MYO10: variants seen among roughly 807,000 people sequenced by gnomAD.
MYO10 encodes myosin X, also known as unconventional myosin-X.
Under a neutral mutation model 257.3 loss-of-function variants are expected in MYO10, and 133 were observed. That is an observed-to-expected ratio of 0.52 (90% confidence interval 0.45 to 0.60). The LOEUF (loss-of-function observed/expected upper bound fraction) is 0.60. Among genes scored for constraint, MYO10 ranks in the 20% least tolerant of loss-of-function variants. The pLI, the probability that MYO10 is intolerant of heterozygous loss-of-function variation, is 0.00. For missense variants in MYO10, 2,399 were observed against 2,635.7 expected (o/e 0.91, Z 1.97); for synonymous variants, 1,104 against 1,028.6 (o/e 1.07, Z -1.40).
At chr5:16,805,049 T>C (rs1742231149) in intron 3 of MYO10, among the ~76,000 whole-genome samples, 1 of 152,212 alleles carries the variant, frequency 6.6e-6, no homozygotes, top group African/African-American at 2.4e-5. Flanking sequence ...ATAGGCTACA[T>C]GTGTAAGAGG....
chr5:16,719,691 C>A (rs376398567), intron 19 of MYO10, among the ~76,000 whole-genome samples: 1 of 152,120 alleles, frequency 6.6e-6, no homozygotes, highest in East Asian at 1.9e-4. Flanking sequence ...GGGCCAGGCA[C>A]GGTGGCTCAC....
intron 2 of MYO10, among the ~76,000 whole-genome samples, chr5:16,862,672 T>G (rs1744138624): frequency 6.6e-6 from 1 of 152,254 alleles, no homozygotes; most frequent in Non-Finnish European, 1.5e-5. Context: ...CACAAATTAC[T>G]GCCTGGTCGG....
chr5:16,834,601 G>C (rs1390961287), intron 2 of MYO10, among the ~76,000 whole-genome samples: 1 of 152,200 alleles, frequency 6.6e-6, no homozygotes, highest in African/African-American at 2.4e-5. Context: ...AAGATTACAT[G>C]ATGAGGACTT....
Position 16,673,882 on chromosome 5 carries a change from C to G in MYO10, c.4972G>C (p.Glu1658Gln), listed in dbSNP as rs1736594690. 6.2e-7 allele frequency: 1 copy of G among 1,613,756 alleles called. No homozygotes were observed. Among genetic ancestry groups the G allele is most frequent in the Non-Finnish European group, 8.5e-7 (1 of 1,179,792 alleles). ...TCCATCTCGCTTCCTGGAAACTGTT[C>G]CCGTATCCTAGGAGGCAAACACTAA... ...YLKFHLKRIREQFPGSEMEKY... is the reference protein window; with the variant it reads ...YLKFHLKRIRQQFPGSEMEKY... The change falls in exon 36 of 41, where the codon GAA (glutamate) becomes CAA (glutamine). Residue 1658 changes from glutamate (E) to glutamine (Q), a missense_variant. Physicochemically the swap from Glu to Gln is conservative, Grantham distance 29. This residue lies in a region of MYO10 where 1,820 missense variants were observed against 1,939.4 expected (regional missense o/e 0.94). Coordinates refer to ENST00000513610, the MANE Select transcript of MYO10 (RefSeq NM_012334.3).
At chr5:16,673,305 A>G (rs1295688988) in intron 36 of MYO10, among the ~76,000 whole-genome samples, 1 of 151,910 alleles carries the variant, frequency 6.6e-6, no homozygotes, top group East Asian at 1.9e-4. Context: ...TTTAAAAAGA[A>G]AATGTGTTCA....
intron 3 of MYO10, among the ~76,000 whole-genome samples, chr5:16,797,894 G>A (rs139602439): frequency 1.2e-4 from 19 of 152,206 alleles, no homozygotes; most frequent in African/African-American, 4.6e-4. Flanking sequence ...CTAAACTTGT[G>A]TTGAAATTTA....
In MYO10 at chr5:16,666,761, G is replaced by A. The variant is rs1251337459; in HGVS notation, c.6108C>T (p.Tyr2036=). 3.1e-6 allele frequency: 5 copies of A among 1,607,444 alleles called. No individual in the cohort carries two copies. Among genetic ancestry groups the A allele is most frequent in the Non-Finnish European group, 4.2e-6 (5 of 1,178,212 alleles). ...VVDVAKLMKA[Y]ISMIVKKRYS... ...AGCGCTTCTTCACGATCATGCTGAT[G>A]TAGGCTTTCATGAGCTTGGCCACAT... The change falls in exon 41 of 41, where the codon TAC becomes TAT. Residue 2036 remains tyrosine (Y), a synonymous_variant. Transcript: ENST00000513610.
intron 3 of MYO10, among the ~76,000 whole-genome samples, chr5:16,812,025 A>G (rs1342822206): frequency 6.6e-6 from 1 of 152,156 alleles, no homozygotes; most frequent in East Asian, 1.9e-4. Flanking sequence ...GTGACAGGAG[A>G]TGAAGAAGTC....
intron 1 of MYO10, among the ~76,000 whole-genome samples, chr5:16,890,290 T>A (rs1181088635): frequency 6.6e-6 from 1 of 151,864 alleles, no homozygotes; most frequent in East Asian, 1.9e-4. Context: ...GCTAAGAATG[T>A]GAAATGATGC....
intron 2 of MYO10, among the ~76,000 whole-genome samples, chr5:16,840,951 G>T (rs757356541): frequency 5.9e-5 from 9 of 151,864 alleles, no homozygotes; most frequent in Non-Finnish European, 1.3e-4. Flanking sequence ...GACCAGACTG[G>T]CCAAGATGGT....
chr5:16,779,654 G>C lies in MYO10; in HGVS notation c.827-6C>G. On this transcript the variant is annotated splice_polypyrimidine_tract_variant and splice_region_variant and intron_variant, in intron 8 of 40. Coordinates refer to ENST00000513610, the MANE Select transcript of MYO10 (RefSeq NM_012334.3). ...CGTAGATAAATAAAATTCTTCTACAGAAAGACAAAAACATGATGTCACAGT... is the reference window on the plus strand; with the variant it reads ...CGTAGATAAATAAAATTCTTCTACACAAAGACAAAAACATGATGTCACAGT... The C allele has an allele frequency of 3.2e-6, 5 of 1,547,180 alleles. No individual in the cohort carries two copies. Among genetic ancestry groups the C allele is most frequent in the Non-Finnish European group, 4.4e-6 (5 of 1,130,376 alleles).
chr5:16,674,562 A>C lies in MYO10; in HGVS notation c.4964+291T>G, dbSNP rs112674388. ...CTCTTTGATCTGGAACAAATATCCA[A>C]GTTTTTTTTTTTTTTTTTAAATATA... On this transcript the variant is annotated intron_variant, in intron 35 of 40. Coordinates refer to ENST00000513610, the MANE Select transcript of MYO10 (RefSeq NM_012334.3). Among the ~76,000 whole-genome samples the C allele has an allele frequency of 2.4e-3, 313 of 132,584 alleles. 2 individuals carry two copies. The highest frequency in any genetic ancestry group is 9.4e-3 in the African/African-American group (303 of 32,120). The allele number at this position is 132,584 out of a possible 152,430, so 87.0% of individuals were successfully genotyped here.
At chr5:16,853,800 A>G (rs1743882437) in intron 2 of MYO10, among the ~76,000 whole-genome samples, 1 of 152,120 alleles carries the variant, frequency 6.6e-6, no homozygotes, top group Non-Finnish European at 1.5e-5. Context: ...CACACTGTCT[A>G]CGTAAGTGTG....
At chr5:16,768,664 C>CTTTTTTTTTTTT (rs34950225) in intron 10 of MYO10, among the ~76,000 whole-genome samples, 16 of 70,162 alleles carry the variant, frequency 2.3e-4, no homozygotes, top group East Asian at 1.1e-3. Context: ...TTTCTCTTTT[C>CTTTTTTTTTTTT]TTTTTTTTTT....
At chr5:16,819,741 C>G (rs1742741725) in intron 2 of MYO10, among the ~76,000 whole-genome samples, 1 of 152,092 alleles carries the variant, frequency 6.6e-6, no homozygotes, top group Non-Finnish European at 1.5e-5. Context: ...TATGTTATTG[C>G]AAAGGAGAAT....
intron 33 of MYO10, among the ~76,000 whole-genome samples, chr5:16,677,413 G>A (rs566799976): frequency 0.085 from 9,499 of 112,344 alleles, 1,097 homozygotes; most frequent in African/African-American, 0.28. Context: ...AGGGTAACTT[G>A]ACCTTTTTTT....
chr5:16,686,059 G>A (rs1737239819), intron 28 of MYO10, among the ~76,000 whole-genome samples: 3 of 152,152 alleles, frequency 2.0e-5, no homozygotes, highest in Admixed American at 6.5e-5. Context: ...TCTAACTTTA[G>A]GTCAATGGAC....
At chr5:16,854,692 G>A (rs1397901221) in intron 2 of MYO10, among the ~76,000 whole-genome samples, 1 of 152,092 alleles carries the variant, frequency 6.6e-6, no homozygotes, top group Admixed American at 6.6e-5. Flanking sequence ...TTAAGTGGGT[G>A]AATTATATCA....
At chr5:16,736,974 C>T (rs531948284) in intron 19 of MYO10, among the ~76,000 whole-genome samples, 4 of 152,188 alleles carry the variant, frequency 2.6e-5, no homozygotes, top group South Asian at 2.1e-4. Flanking sequence ...AGTATGCCTA[C>T]GAGATTTCAT....
Sources: allele counts gnomAD v4.1 joint callset (sites outside exome capture counted in the v4.1 genomes callset), GRCh38; gene constraint gnomAD v4.1.1; regional missense constraint gnomAD v4.1.1; transcripts MANE v1.5; gene names NCBI Gene and HGNC (gene_info 2026-07-23, HGNC 2026-07-21).